The following THRB variants were observed in gnomAD, a reference collection of about 807,000 sequenced individuals.
THRB encodes thyroid hormone receptor beta, also known as nuclear receptor subfamily 1 group A member 2.
A neutral mutation model predicts 47.8 loss-of-function variants in THRB; 12 were observed. The observed-to-expected ratio is 0.25, with a 90% confidence interval of 0.16 to 0.41. The LOEUF (loss-of-function observed/expected upper bound fraction) is 0.41. Ranked by LOEUF, THRB falls within the 10% of genes least tolerant of loss-of-function variation. The pLI is 1.00. For synonymous variants in THRB, 218 were observed against 212.2 expected, an observed-to-expected ratio of 1.03 and a Z score of -0.24; for missense variants, 348 against 589.2, an observed-to-expected ratio of 0.59 and a Z score of 4.24.
intron 5 of THRB, 46 bp downstream of exon 5, chr3:24,190,028 T>C (rs763487574): frequency 1.3e-6 from 2 of 1,591,508 alleles, no homozygotes; most frequent in Non-Finnish European, 1.7e-6. Context: ...GGATATTTTT[T>C]TTCTTGTTGA....
intron 2 of THRB, among the ~76,000 whole-genome samples, chr3:24,331,009 C>A (rs547471472): frequency 6.6e-6 from 1 of 152,136 alleles, no homozygotes; most frequent in East Asian, 1.9e-4. Context: ...TATCGTGCAC[C>A]ATGGATATAA....
intron 3 of THRB, among the ~76,000 whole-genome samples, chr3:24,244,367 G>A (rs544444477): frequency 6.6e-6 from 1 of 152,260 alleles, no homozygotes; most frequent in East Asian, 1.9e-4. Flanking sequence ...TCAGGCATGT[G>A]GATTTTCTCT....
At chr3:24,346,891 C>T (rs973445851) in intron 1 of THRB, among the ~76,000 whole-genome samples, 11 of 151,952 alleles carry the variant, frequency 7.2e-5, no homozygotes, top group Admixed American at 2.0e-4. Context: ...TGAGTAAGAA[C>T]GTAGATAAGG....
chr3:24,365,219 A>G (rs558705314), intron 1 of THRB, among the ~76,000 whole-genome samples: 10 of 152,160 alleles, frequency 6.6e-5, no homozygotes, highest in Non-Finnish European at 1.5e-4. Flanking sequence ...CTAATCCAGC[A>G]AAGAGTCACT....
At chr3:24,123,547 G>A (rs2032117963) in intron 10 of THRB, among the ~76,000 whole-genome samples, 1 of 152,090 alleles carries the variant, frequency 6.6e-6, no homozygotes, top group Non-Finnish European at 1.5e-5. Context: ...ATATATGAAG[G>A]GACTGGGGAC....
chr3:24,285,362 C>T (rs1227281697), intron 3 of THRB, among the ~76,000 whole-genome samples: 4 of 147,122 alleles, frequency 2.7e-5, no homozygotes, highest in Non-Finnish European at 5.9e-5. Flanking sequence ...TATTCTCACT[C>T]ATAGGTGGGA....
At chr3:24,483,988 C>A (rs2125902676) in intron 1 of THRB, 1 of 152,350 alleles carries the variant, frequency 6.6e-6, no homozygotes, top group Non-Finnish European at 1.5e-5. Flanking sequence ...AGCCAGCATA[C>A]TCTTCACTTT....
At chr3:24,253,494 A>G (rs1055803209) in intron 3 of THRB, among the ~76,000 whole-genome samples, 1 of 152,206 alleles carries the variant, frequency 6.6e-6, no homozygotes, top group African/African-American at 2.4e-5. Flanking sequence ...AAGCAGCAGC[A>G]AAGTGCACTG....
chr3:24,425,427 T>C (rs1449134000), intron 1 of THRB, among the ~76,000 whole-genome samples: 3 of 151,974 alleles, frequency 2.0e-5, no homozygotes, highest in African/African-American at 7.2e-5. Context: ...TTTAAAAAAA[T>C]GTGAGTACGC....
At chr3:24,448,327 C>A (rs1341455487) in intron 1 of THRB, among the ~76,000 whole-genome samples, 1 of 152,116 alleles carries the variant, frequency 6.6e-6, no homozygotes, top group African/African-American at 2.4e-5. Flanking sequence ...TTTAAAAAAT[C>A]TTTTAAAAGT....
intron 5 of THRB, among the ~76,000 whole-genome samples, chr3:24,153,444 T>C (rs996431073): frequency 2.0e-5 from 3 of 152,236 alleles, no homozygotes; most frequent in African/African-American, 7.2e-5. Context: ...TATTATGATA[T>C]GCAATCCAAC....
chr3:24,375,777 G>A (rs914073052), intron 1 of THRB, among the ~76,000 whole-genome samples: 13 of 151,592 alleles, frequency 8.6e-5, no homozygotes, highest in African/African-American at 2.9e-4. Flanking sequence ...ATTGAGGTCT[G>A]CTGGAATTTG....
At chr3:24,309,923 T>C (rs898854630) in intron 2 of THRB, among the ~76,000 whole-genome samples, 19 of 151,996 alleles carry the variant, frequency 1.3e-4, no homozygotes, top group African/African-American at 4.1e-4. Context: ...AGAAAAGGGG[T>C]AAGTGAACAA....
chr3:24,486,789 G>A (rs1697367588), intron 1 of THRB, among the ~76,000 whole-genome samples: 1 of 151,990 alleles, frequency 6.6e-6, no homozygotes, highest in Admixed American at 6.6e-5. Flanking sequence ...TTCTGTGTAA[G>A]GTTCCCTTGG....
intron 3 of THRB, among the ~76,000 whole-genome samples, chr3:24,256,445 G>A (rs909985282): frequency 2.0e-5 from 3 of 152,132 alleles, no homozygotes; most frequent in Non-Finnish European, 2.9e-5. Context: ...TTGTGAGTTC[G>A]TTGCAGGGAA....
chr3:24,203,292 T>G (rs2044822875), intron 4 of THRB, among the ~76,000 whole-genome samples: 1 of 152,204 alleles, frequency 6.6e-6, no homozygotes, highest in Non-Finnish European at 1.5e-5. Context: ...CACACACCTG[T>G]GGTCCCAGCC....
chr3:24,393,868 T>C (rs1009387736), intron 1 of THRB, among the ~76,000 whole-genome samples: 1 of 152,098 alleles, frequency 6.6e-6, no homozygotes, highest in African/African-American at 2.4e-5. Flanking sequence ...CTAATGGCCT[T>C]TTAAAATCTT....
chr3:24,428,052 A>G (rs1026251554), intron 1 of THRB, among the ~76,000 whole-genome samples: 1 of 152,040 alleles, frequency 6.6e-6, no homozygotes, highest in African/African-American at 2.4e-5. Context: ...TGTTTTCACC[A>G]CTAATGGTTC....
chr3:24,362,624 T>C (rs986294437), intron 1 of THRB, among the ~76,000 whole-genome samples: 17 of 152,210 alleles, frequency 1.1e-4, no homozygotes, highest in African/African-American at 3.9e-4. Context: ...TTCTGTTTTG[T>C]TGATTATAGT....
Sources: gnomAD v4.1 joint callset for allele counts (sites outside exome capture counted in the v4.1 genomes callset) on GRCh38, gnomAD v4.1.1 for gene constraint, MANE v1.5 for transcripts, NCBI Gene and HGNC (gene_info 2026-07-23, HGNC 2026-07-21) for gene names.